The following AKAP13 variants were observed in gnomAD, a reference collection of about 807,000 sequenced individuals.
The protein encoded by AKAP13 is A-kinase anchoring protein 13, also known as A-kinase anchor protein 13.
Under a neutral mutation model 264.5 loss-of-function variants are expected in AKAP13, and 80 were observed. That is an observed-to-expected ratio of 0.30 (90% confidence interval 0.25 to 0.36). AKAP13 has a LOEUF of 0.36. Among genes scored for constraint, AKAP13 ranks in the 10% least tolerant of loss-of-function variants. The probability of loss-of-function intolerance (pLI) is 1.00; values close to 1 mark genes in which losing one functional copy is unlikely to be tolerated. For missense variants in AKAP13, 3,712 were observed against 3,435.2 expected (o/e 1.08, Z -2.01); for synonymous variants, 1,380 against 1,250.2 (o/e 1.10, Z -2.19).
At chr15:85,597,374 T>C (rs1480986992) in intron 8 of AKAP13, among the ~76,000 whole-genome samples, 1 of 152,080 alleles carries the variant, frequency 6.6e-6, no homozygotes, top group Non-Finnish European at 1.5e-5. Context: ...CTCCTCAGTG[T>C]CACATGGTAA....
chr15:85,734,948 A>G (rs1206312756), intron 30 of AKAP13, 44 bp from the exon 31 acceptor site: 1 of 1,598,568 alleles, frequency 6.3e-7, no homozygotes, highest in Admixed American at 1.8e-5. Flanking sequence ...TTTTCCCCTC[A>G]TTGAAAGATA....
chr15:85,395,512 A>G (rs2150818590), intron 1 of AKAP13, among the ~76,000 whole-genome samples: 1 of 152,306 alleles, frequency 6.6e-6, no homozygotes, highest in Non-Finnish European at 1.5e-5. Flanking sequence ...CTATATATGA[A>G]TTATGAATAA....
In AKAP13 at chr15:85,722,161, T is replaced by C. The variant is rs773908367; in HGVS notation, c.6378+45T>C. On this transcript the variant is annotated intron_variant, in intron 24 of 36. Coordinates refer to ENST00000394518, the MANE Select transcript of AKAP13 (RefSeq NM_007200.5). ...AAATCCCCGTTATTGTTGAGAGCCATGTGTCCCTGTCGGCTTTCACTAGAG... is the reference window on the plus strand; with the variant it reads ...AAATCCCCGTTATTGTTGAGAGCCACGTGTCCCTGTCGGCTTTCACTAGAG... The C allele has an allele frequency of 3.1e-6, 5 of 1,611,998 alleles. No homozygotes were observed. The Admixed American group carries it at 5.0e-5, about 16-fold the overall frequency.
chr15:85,520,805 G>C (rs1174170043), intron 2 of AKAP13: 2 of 480,166 alleles, frequency 4.2e-6, no homozygotes, highest in Non-Finnish European at 4.1e-6. Flanking sequence ...TGTGGTATTA[G>C]GTGATTTTGT....
rs1420255383 is a variant in AKAP13, at chr15:85,741,478, G to A, written c.8041G>A (p.Glu2681Lys). The A allele has an allele frequency of 6.3e-7, 1 of 1,594,582 alleles. No homozygotes were observed. Among genetic ancestry groups the A allele is most frequent in the South Asian group, 1.1e-5 (1 of 89,914 alleles). ...AGAGCGGCTCAGCCAGCGGCAGACA[G>A]AACGGGACCTGTGTCAGGTAATGGG... ...EAERLSQRQT[E>K]RDLCQVSHPH... Residue 2681 changes from glutamate (E) to lysine (K), a missense_variant, in exon 35 of 37, where the codon GAA (glutamate) becomes AAA (lysine). This residue lies in a region of AKAP13 where 611 missense variants were observed against 539.3 expected (regional missense o/e 1.13). Transcript: ENST00000394518.
At chr15:85,734,851 C>A in intron 30 of AKAP13, 141 bp from the exon 31 acceptor site, 1 of 1,122,738 alleles carries the variant, frequency 8.9e-7, no homozygotes, top group Non-Finnish European at 1.2e-6. Context: ...GAGCTGAGAC[C>A]CTTCTCTGAG....
intron 2 of AKAP13, among the ~76,000 whole-genome samples, chr15:85,508,918 G>A (rs1357266940): frequency 1.3e-5 from 2 of 152,102 alleles, no homozygotes; most frequent in Non-Finnish European, 2.9e-5. Context: ...CCTTGGAGGA[G>A]CTTTTCCAGA....
At chr15:85,668,813 C>T (rs1019104115) in intron 13 of AKAP13, among the ~76,000 whole-genome samples, 6 of 152,174 alleles carry the variant, frequency 3.9e-5, no homozygotes, top group African/African-American at 1.4e-4. Flanking sequence ...CGTGGTGGTG[C>T]ACCCCTGTAA....
intron 2 of AKAP13, among the ~76,000 whole-genome samples, chr15:85,488,643 A>C (rs1277465999): frequency 6.6e-6 from 1 of 152,214 alleles, no homozygotes; most frequent in Non-Finnish European, 1.5e-5. Flanking sequence ...GAGAGGGAGT[A>C]TCAGGAGAGT....
intron 2 of AKAP13, among the ~76,000 whole-genome samples, chr15:85,495,162 C>G (rs781043737): frequency 2.0e-5 from 3 of 152,162 alleles, no homozygotes; most frequent in African/African-American, 7.2e-5. Context: ...GATGGTTACA[C>G]ATTAGCTCTG....
rs1596608061 is a variant in AKAP13 at position 85,585,558 on chromosome 15, C to T, written c.4040-144C>T. ...GCTCAGCATAGGGTCAGAAATGACA[C>T]TAGCCGCTGACAACAAAAGAATACT... On this transcript the variant is annotated intron_variant, in intron 7 of 36. Transcript: ENST00000394518. 1.9e-5 allele frequency: 22 copies of T among 1,179,730 alleles called. No homozygotes were observed. In the South Asian group the frequency reaches 3.0e-4, roughly 16 times the overall value. The allele number at this position is 1,179,730 out of a possible 1,614,324, so 73.1% of individuals were successfully genotyped here. A position where few individuals can be genotyped will look rare whatever the true frequency, so the allele number is the denominator to read the frequency against.
intron 2 of AKAP13, among the ~76,000 whole-genome samples, chr15:85,516,290 G>C (rs569573591): frequency 1.2e-4 from 18 of 152,238 alleles, no homozygotes; most frequent in African/African-American, 4.3e-4. Context: ...TATGAGATAA[G>C]GTTGATGATT....
At position 85,682,229 on chromosome 15, in the gene AKAP13, A is replaced by G; in HGVS notation, c.5156+17A>G. ...GACTGAGAGGTACTATAAATTTGTT[A>G]CTCCTTTTTCCAGAAATAAAATGAA... On this transcript the variant is annotated intron_variant, in intron 15 of 36. Coordinates refer to ENST00000394518, the MANE Select transcript of AKAP13 (RefSeq NM_007200.5). 7 of 1,610,156 alleles carry G rather than the reference A, an allele frequency of 4.3e-6. No individual in the cohort carries two copies. Among genetic ancestry groups the G allele is most frequent in the Non-Finnish European group, 5.9e-6 (7 of 1,178,162 alleles).
At chr15:85,649,579 TTG>T (rs1344035029) in intron 10 of AKAP13, among the ~76,000 whole-genome samples, 2 of 152,196 alleles carry the variant, frequency 1.3e-5, no homozygotes, top group African/African-American at 4.8e-5. Context: ...CTGCAGCCAT[TTG>T]TGTCTCTGGC....
At position 85,726,535 on chromosome 15, in the gene AKAP13, G is replaced by C. The variant is rs367583108; in HGVS notation, c.6822+49G>C. The C allele has an allele frequency of 2.7e-6, 4 of 1,490,746 alleles. No homozygotes were observed. The Admixed American group carries it at 6.8e-5, about 25-fold the overall frequency. The allele number at this position is 1,490,746 out of a possible 1,614,324, so 92.3% of individuals were successfully genotyped here. ...AATAGTATTATAAGCAGCTAGTTTA[G>C]TTATGGAATGTAAGCACTATGTTAT... is the stretch of plus-strand genomic sequence containing the variant. On this transcript the variant is annotated intron_variant, in intron 27 of 36. Coordinates refer to ENST00000394518, the MANE Select transcript of AKAP13 (RefSeq NM_007200.5).
At chr15:85,535,780 T>G (rs1196418604) in intron 4 of AKAP13, 2 of 151,720 alleles carry the variant, frequency 1.3e-5, no homozygotes, top group Non-Finnish European at 2.9e-5. Context: ...TTTGGACATA[T>G]CACTTCCTCT....
At chr15:85,641,058 T>A (rs1018183852) in intron 9 of AKAP13, among the ~76,000 whole-genome samples, 1 of 152,196 alleles carries the variant, frequency 6.6e-6, no homozygotes, top group Non-Finnish European at 1.5e-5. Context: ...TTAGGCATAG[T>A]GTTTTTGTGA....
intron 1 of AKAP13, among the ~76,000 whole-genome samples, chr15:85,437,256 C>G (rs1290916246): frequency 6.7e-6 from 1 of 150,192 alleles, no homozygotes; most frequent in Non-Finnish European, 1.5e-5. Flanking sequence ...TACACTCTCC[C>G]AAGACTAAAC....
At chr15:85,598,106 CCTT>C (rs1456726994) in intron 8 of AKAP13, among the ~76,000 whole-genome samples, 1 of 152,118 alleles carries the variant, frequency 6.6e-6, no homozygotes, top group East Asian at 1.9e-4. Context: ...CATTCTTCCT[CCTT>C]GTTTTGCTAC....
Sources: gnomAD v4.1 joint callset for allele counts (sites outside exome capture counted in the v4.1 genomes callset) on GRCh38, gnomAD v4.1.1 for gene constraint, gnomAD v4.1.1 regional missense constraint, MANE v1.5 for transcripts, NCBI Gene and HGNC (gene_info 2026-07-23, HGNC 2026-07-21) for gene names.